The following PDZD2 variants were observed in gnomAD, a reference collection of about 807,000 sequenced individuals.
PDZD2 encodes PDZ domain containing 2, also known as PDZ domain-containing protein 2.
In PDZD2, 90 loss-of-function variants were observed where a neutral mutation model predicts 220.7. The ratio of observed to expected loss-of-function variants is 0.41; its 90% CI spans 0.34 to 0.49. PDZD2 has a LOEUF of 0.49. Among genes scored for constraint, PDZD2 ranks in the 20% least tolerant of loss-of-function variants. The pLI is 0.28. For missense variants in PDZD2, 3,174 were observed against 3,608.5 expected (o/e 0.88, Z 3.08); for synonymous variants, 1,375 against 1,450.5 (o/e 0.95, Z 1.18).
At chr5:31,776,424 C>G (rs903167068) in intron 1 of PDZD2, among the ~76,000 whole-genome samples, 1 of 151,990 alleles carries the variant, frequency 6.6e-6, no homozygotes, top group Non-Finnish European at 1.5e-5. Context: ...GGGTCCCTAC[C>G]CTACTCCCCA....
chr5:31,797,094 A>ATTT (rs756548601), intron 1 of PDZD2, among the ~76,000 whole-genome samples: 4,022 of 66,554 alleles, frequency 0.06, 342 homozygotes, highest in Non-Finnish European at 0.074. Flanking sequence ...CACCCAGCTA[A>ATTT]TTTTTTTTTT....
chr5:31,799,262 A>T lies in PDZD2; in HGVS notation c.14A>T (p.Gln5Leu). ...GGAGTGAGCACCATGCCCATCACCC[A>T]GGACAATGCCGTGCTGCACCTGCCC... is the stretch of plus-strand genomic sequence containing the variant. The part of the protein sequence containing the change: MPIT[Q>L]DNAVLHLPLL... The change falls in exon 2 of 25, where the codon CAG becomes CTG. Residue 5 changes from glutamine (Q) to leucine (L), a missense_variant. Coordinates refer to ENST00000438447, the MANE Select transcript of PDZD2 (RefSeq NM_178140.4). 1 of 1,601,364 alleles carries T rather than the reference A, an allele frequency of 6.2e-7. No individual in the cohort carries two copies. Among genetic ancestry groups the T allele is most frequent in the Non-Finnish European group, 8.5e-7 (1 of 1,172,590 alleles).
intron 7 of PDZD2, among the ~76,000 whole-genome samples, chr5:32,042,583 G>GA (rs926004822): frequency 4.0e-5 from 6 of 151,778 alleles, no homozygotes; most frequent in South Asian, 2.1e-4. Flanking sequence ...AAAAGAAAAA[G>GA]AAAAAAAAGA....
rs775822244 is a variant in PDZD2, at chr5:32,107,973, T to A, written c.8358T>A (p.Gly2786=). 8.1e-6 allele frequency: 13 copies of A among 1,611,680 alleles called. No homozygotes were observed. The East Asian group carries it at 2.9e-4, about 36-fold the overall frequency. ...PLVIKRVYKG[G]AAEQAGIIEA... ...ATTCTGTGTTTATTCTCGTAGGTGG[T>A]GCGGCTGAACAAGCTGGAATAATAG... Residue 2786 remains glycine, a synonymous_variant, in exon 25 of 25, where the codon GGT becomes GGA. Transcript: ENST00000438447.
intron 1 of PDZD2, among the ~76,000 whole-genome samples, chr5:31,679,324 C>T (rs1173053829): frequency 6.6e-6 from 1 of 152,206 alleles, no homozygotes; most frequent in Non-Finnish European, 1.5e-5. Flanking sequence ...TTTCCAGTAG[C>T]TTATGTTTTC....
intron 18 of PDZD2, 22 bp downstream of exon 18, chr5:32,074,665 A>T: frequency 6.6e-7 from 1 of 1,518,818 alleles, no homozygotes. Flanking sequence ...TCTCTTAGTT[A>T]CTTGGAATGG....
chr5:31,864,904 A>G lies in PDZD2; in HGVS notation c.476+65180A>G, dbSNP rs539646527. On this transcript the variant is annotated intron_variant, in intron 2 of 24. Transcript: ENST00000438447. ...CGCTCTGTCGCCCAGGCTAGTGTGCAGTGGCGTAATCTCGGCTCACTTCAA... is the reference window on the plus strand; with the variant it reads ...CGCTCTGTCGCCCAGGCTAGTGTGCGGTGGCGTAATCTCGGCTCACTTCAA... Among the ~76,000 whole-genome samples, 4 of 124,380 alleles carry G rather than the reference A, an allele frequency of 3.2e-5. No individual in the cohort carries two copies. The South Asian group carries it at 1.0e-3, about 31-fold the overall frequency. 81.6% of individuals were successfully genotyped at this position (124,380 alleles called of 152,430 possible).
At chr5:31,834,630 T>G (rs1756831649) in intron 2 of PDZD2, among the ~76,000 whole-genome samples, 1 of 149,976 alleles carries the variant, frequency 6.7e-6, no homozygotes, top group South Asian at 2.1e-4. Context: ...GCCCCACAGG[T>G]GGTAGATGAC....
chr5:31,644,882 G>T (rs532529036), intron 1 of PDZD2, among the ~76,000 whole-genome samples: 1 of 152,332 alleles, frequency 6.6e-6, no homozygotes, highest in African/African-American at 2.4e-5. Flanking sequence ...TATATACAGT[G>T]TTTCTGGGGC....
In PDZD2 at chr5:32,089,940, G is replaced by A; in HGVS notation, c.6492G>A (p.Met2164Ile). ...AEQEMSRSFS[M>I]AKLASSSSSL... ...AGGAAATGTCACGATCATTCAGCAT[G>A]GCAAAACTGGCGTCCTCCTCCTCCT... Residue 2164 changes from methionine (M) to isoleucine (I), a missense_variant, in exon 20 of 25, where the codon ATG (methionine) becomes ATA (isoleucine). Physicochemically the swap from Met to Ile is conservative, Grantham distance 10. Coordinates refer to ENST00000438447, the MANE Select transcript of PDZD2 (RefSeq NM_178140.4). 1.2e-6 allele frequency: 2 copies of A among 1,609,220 alleles called. No individual in the cohort carries two copies. Among genetic ancestry groups the A allele is most frequent in the South Asian group, 1.1e-5 (1 of 90,244 alleles).
At chr5:31,774,021 T>C (rs891885168) in intron 1 of PDZD2, among the ~76,000 whole-genome samples, 2 of 152,114 alleles carry the variant, frequency 1.3e-5, no homozygotes, top group Admixed American at 1.3e-4. Flanking sequence ...ACCTGGGCAG[T>C]GACTCCTATT....
chr5:31,707,507 G>C (rs1288017833), intron 1 of PDZD2, among the ~76,000 whole-genome samples: 3 of 152,080 alleles, frequency 2.0e-5, no homozygotes, highest in African/African-American at 7.2e-5. Context: ...TAAGCCTTCA[G>C]GACTATGGAG....
intron 1 of PDZD2, among the ~76,000 whole-genome samples, chr5:31,653,846 G>A (rs370327154): frequency 2.0e-5 from 3 of 152,040 alleles, no homozygotes; most frequent in Non-Finnish European, 2.9e-5. Flanking sequence ...GTGCAGTGGC[G>A]CGATCTCAGC....
At chr5:31,848,831 C>T (rs1041863826) in intron 2 of PDZD2, among the ~76,000 whole-genome samples, 1 of 151,848 alleles carries the variant, frequency 6.6e-6, no homozygotes, top group African/African-American at 2.4e-5. Context: ...GGGCAGATCA[C>T]GAGATCAGGA....
chr5:32,046,794 G>A (rs1738014013), intron 7 of PDZD2, among the ~76,000 whole-genome samples: 1 of 152,170 alleles, frequency 6.6e-6, no homozygotes, highest in Admixed American at 6.5e-5. Context: ...TGTAATCCCA[G>A]CATTTTGGGA....
chr5:31,855,226 G>T, intron 2 of PDZD2: 1 of 572,220 alleles, frequency 1.7e-6, no homozygotes, highest in Non-Finnish European at 2.2e-6. Context: ...TCCAGGTCGG[G>T]TGCAGACTGG....
chr5:31,924,179 T>C (rs1164966248), intron 2 of PDZD2, among the ~76,000 whole-genome samples: 2 of 152,216 alleles, frequency 1.3e-5, no homozygotes, highest in African/African-American at 2.4e-5. Context: ...TTTGGTCTGC[T>C]GGTCCAGTTA....
At chr5:31,764,671 A>G (rs1483799915) in intron 1 of PDZD2, among the ~76,000 whole-genome samples, 4 of 152,132 alleles carry the variant, frequency 2.6e-5, no homozygotes, top group Non-Finnish European at 5.9e-5. Context: ...TCTCAGACTC[A>G]TGTTCTGGGT....
intron 1 of PDZD2, among the ~76,000 whole-genome samples, chr5:31,688,352 T>G (rs376538): frequency 0.69 from 105,378 of 152,022 alleles, 36,878 homozygotes; most frequent in East Asian, 0.93. Flanking sequence ...CTCTGAGGAG[T>G]TCTTAAAGAG....
Sources: gnomAD v4.1 joint callset for allele counts (sites outside exome capture counted in the v4.1 genomes callset) on GRCh38, gnomAD v4.1.1 for gene constraint, MANE v1.5 for transcripts, NCBI Gene and HGNC (gene_info 2026-07-23, HGNC 2026-07-21) for gene names.